The following MDGA2 variants were observed in gnomAD, a reference collection of about 807,000 sequenced individuals.
MDGA2 encodes the protein MAM domain containing glycosylphosphatidylinositol anchor 2, also known as MAM domain-containing glycosylphosphatidylinositol anchor protein 2.
In MDGA2, 40 loss-of-function variants were observed where a neutral mutation model predicts 117.8. That is an observed-to-expected ratio of 0.34 (90% CI 0.26 to 0.44). MDGA2 has a LOEUF of 0.44. Ranked by LOEUF, MDGA2 falls within the 20% of genes least tolerant of loss-of-function variation. The pLI is 1.00. For synonymous variants in MDGA2, 452 were observed against 439.0 expected (o/e 1.03, Z -0.37); for missense variants, 1,123 against 1,250.6 (o/e 0.90, Z 1.54).
At chr14:47,143,132 T>C (rs1024785617) in intron 4 of MDGA2, among the ~76,000 whole-genome samples, 2 of 152,080 alleles carry the variant, frequency 1.3e-5, no homozygotes, top group African/African-American at 4.8e-5. Flanking sequence ...TACAGGCACG[T>C]GCCACCATGC....
At chr14:47,007,389 G>A (rs1392457122) in intron 8 of MDGA2, among the ~76,000 whole-genome samples, 6 of 151,760 alleles carry the variant, frequency 4.0e-5, no homozygotes, top group Non-Finnish European at 8.8e-5. Context: ...ACCATGGCTT[G>A]ATATGTTTGC....
At chr14:47,518,216 C>T (rs1894794850) in intron 1 of MDGA2, among the ~76,000 whole-genome samples, 1 of 152,046 alleles carries the variant, frequency 6.6e-6, no homozygotes, top group African/African-American at 2.4e-5. Flanking sequence ...GAAAAACTTG[C>T]TAAATTTGTG....
At chr14:47,222,328 G>A (rs1886332385) in intron 2 of MDGA2, among the ~76,000 whole-genome samples, 1 of 151,848 alleles carries the variant, frequency 6.6e-6, no homozygotes, top group East Asian at 1.9e-4. Context: ...TAATAAATTT[G>A]CAGTTAAAAA....
chr14:47,179,178 AAAT>A (rs966801502), intron 3 of MDGA2, among the ~76,000 whole-genome samples: 1 of 152,116 alleles, frequency 6.6e-6, no homozygotes, highest in Non-Finnish European at 1.5e-5. Context: ...AATATTAAAC[AAAT>A]AATAATAATT....
At position 47,220,533 on chromosome 14, in the gene MDGA2, C is replaced by T. The variant is rs143130609; in HGVS notation, c.421-2338G>A. 9.2e-5 allele frequency among the ~76,000 whole-genome samples: 14 copies of T among 152,048 alleles called. No individual in the cohort carries two copies. In the South Asian group the frequency reaches 1.9e-3, roughly 20 times the overall value. On this transcript the variant is annotated intron_variant, in intron 2 of 16. Transcript: ENST00000399232. ...GGTAGCTTCCATTTGAACAGTGGGCCGATTTGAAACAAAAATCAAGCACAG... is the reference window on the plus strand; with the variant it reads ...GGTAGCTTCCATTTGAACAGTGGGCTGATTTGAAACAAAAATCAAGCACAG...
At chr14:47,004,968 C>A (rs193135375) in intron 8 of MDGA2, among the ~76,000 whole-genome samples, 138 of 151,620 alleles carry the variant, frequency 9.1e-4, no homozygotes, top group Admixed American at 3.9e-3. Context: ...TATTCTGCAA[C>A]CTTGTTGAAC....
At chr14:47,131,018 AAT>A (rs973916311) in intron 5 of MDGA2, among the ~76,000 whole-genome samples, 15 of 152,056 alleles carry the variant, frequency 9.9e-5, no homozygotes, top group South Asian at 6.2e-4. Context: ...AAAGTATAAT[AAT>A]ATATATATGT....
At chr14:47,240,010 T>C (rs1048059058) in intron 2 of MDGA2, among the ~76,000 whole-genome samples, 9 of 151,740 alleles carry the variant, frequency 5.9e-5, no homozygotes, top group African/African-American at 2.2e-4. Flanking sequence ...TCACCAAAAA[T>C]AATGGAAGGA....
At chr14:46,971,727 C>A (rs1279917483) in intron 8 of MDGA2, among the ~76,000 whole-genome samples, 1 of 151,868 alleles carries the variant, frequency 6.6e-6, no homozygotes, top group African/African-American at 2.4e-5. Context: ...AAGAGGTAAA[C>A]AGTTAAAAAA....
intron 1 of MDGA2, among the ~76,000 whole-genome samples, chr14:47,435,955 C>A (rs996526487): frequency 6.6e-6 from 1 of 152,012 alleles, no homozygotes; most frequent in Non-Finnish European, 1.5e-5. Context: ...AAATCATGGG[C>A]TTTTTTCTGG....
chr14:47,482,684 A>G (rs531283034), intron 1 of MDGA2, among the ~76,000 whole-genome samples: 4 of 152,050 alleles, frequency 2.6e-5, no homozygotes, highest in Admixed American at 1.3e-4. Flanking sequence ...TATTCACTCA[A>G]TATTATTGAC....
chr14:47,253,041 A>C (rs1346654665), intron 2 of MDGA2, among the ~76,000 whole-genome samples: 1 of 152,208 alleles, frequency 6.6e-6, no homozygotes, highest in South Asian at 2.1e-4. Flanking sequence ...ACTTACTATC[A>C]TGAGAACAGC....
chr14:47,077,152 T>C (rs1890526149), intron 6 of MDGA2, among the ~76,000 whole-genome samples: 1 of 152,104 alleles, frequency 6.6e-6, no homozygotes, highest in Non-Finnish European at 1.5e-5. Flanking sequence ...ACAGCACAGT[T>C]AGGCGCTGGA....
chr14:47,321,318 T>C (rs561873218), intron 1 of MDGA2, among the ~76,000 whole-genome samples: 1 of 152,354 alleles, frequency 6.6e-6, no homozygotes, highest in South Asian at 2.1e-4. Context: ...TTTCAATTAA[T>C]AGCTTTTTGA....
intron 7 of MDGA2, among the ~76,000 whole-genome samples, chr14:47,043,900 G>C (rs2138689992): frequency 6.6e-6 from 1 of 152,064 alleles, no homozygotes; most frequent in Non-Finnish European, 1.5e-5. Context: ...ACTCTTTTCT[G>C]ATTTCTGCAT....
At chr14:46,904,072 G>C (rs1037249942) in intron 10 of MDGA2, among the ~76,000 whole-genome samples, 1 of 151,974 alleles carries the variant, frequency 6.6e-6, no homozygotes, top group African/African-American at 2.4e-5. Flanking sequence ...TATAAAAATG[G>C]CCAATTTTGG....
chr14:47,321,353 C>T (rs1298076262), intron 1 of MDGA2, among the ~76,000 whole-genome samples: 2 of 152,140 alleles, frequency 1.3e-5, no homozygotes, highest in Non-Finnish European at 2.9e-5. Flanking sequence ...AATAGAGCAT[C>T]GTTAACATCA....
chr14:47,199,312 C>T (rs181605828), intron 3 of MDGA2, among the ~76,000 whole-genome samples: 2 of 152,258 alleles, frequency 1.3e-5, no homozygotes, highest in Admixed American at 1.3e-4. Context: ...TCTTCCAATT[C>T]AACATTCCAA....
intron 3 of MDGA2, among the ~76,000 whole-genome samples, chr14:47,191,340 A>G (rs1357217831): frequency 6.6e-6 from 1 of 150,862 alleles, no homozygotes; most frequent in Non-Finnish European, 1.5e-5. Flanking sequence ...TTTCATTTTA[A>G]GAAAGCAAAA....
Sources: gnomAD v4.1 joint callset for allele counts (sites outside exome capture counted in the v4.1 genomes callset) on GRCh38, gnomAD v4.1.1 for gene constraint, MANE v1.5 for transcripts, NCBI Gene and HGNC (gene_info 2026-07-23, HGNC 2026-07-21) for gene names.